Variants in LAMA4 observed in about 807,000 individuals in gnomAD.
LAMA4 encodes the protein laminin subunit alpha-4.
LAMA4 carries 127 observed loss-of-function variants against 207.1 expected under a neutral mutation model. That is an observed-to-expected ratio of 0.61 (90% CI 0.53 to 0.71). The LOEUF is 0.71. Among genes scored for constraint, LAMA4 ranks in the 30% least tolerant of loss-of-function variants. The pLI, the probability that LAMA4 is intolerant of heterozygous loss-of-function variation, is 0.00. For synonymous variants in LAMA4, 761 were observed against 816.0 expected, an observed-to-expected ratio of 0.93 and a Z score of 1.15; for missense variants, 2,093 against 2,246.5, an observed-to-expected ratio of 0.93 and a Z score of 1.38.
In LAMA4 at chr6:112,172,618, T is replaced by TC. The variant is rs1781784091; in HGVS notation, c.1543dup (p.Asp515GlyfsTer3). Reference sequence around the variant, plus strand: ...GGTGAGTGTCCGCTGTACCTCATGGTCCCGCTGCCTGGCTGCTGTGGCCCT... The same window carrying TC: ...GGTGAGTGTCCGCTGTACCTCATGGTCCCCGCTGCCTGGCTGCTGTGGCCCT... On this transcript the variant is annotated frameshift_variant, in exon 12 of 39. Transcript: ENST00000230538. LOFTEE classifies it high-confidence loss of function. The TC allele has an allele frequency of 6.2e-7, 1 of 1,612,648 alleles. No homozygotes were observed. The highest frequency in any genetic ancestry group is 8.5e-7 in the Non-Finnish European group (1 of 1,180,004).
intron 2 of LAMA4, among the ~76,000 whole-genome samples, chr6:112,240,163 AAAC>A (rs1335398438): frequency 6.6e-6 from 1 of 152,238 alleles, no homozygotes; most frequent in African/African-American, 2.4e-5. Context: ...AACTGTTTCT[AAAC>A]CTTCGTTAGT....
At chr6:112,250,633 G>A (rs529716477) in intron 2 of LAMA4, among the ~76,000 whole-genome samples, 6 of 152,084 alleles carry the variant, frequency 3.9e-5, no homozygotes, top group African/African-American at 7.2e-5. Context: ...TAATAGCACC[G>A]TCACCTCCTC....
At chr6:112,245,776 T>A (rs782272907) in intron 2 of LAMA4, among the ~76,000 whole-genome samples, 1 of 152,134 alleles carries the variant, frequency 6.6e-6, no homozygotes, top group Non-Finnish European at 1.5e-5. Flanking sequence ...TAAACACGGA[T>A]CTCTAGCCTC....
chr6:112,229,180 T>G (rs1194776881), intron 2 of LAMA4, among the ~76,000 whole-genome samples: 4 of 152,224 alleles, frequency 2.6e-5, no homozygotes, highest in African/African-American at 7.2e-5. Flanking sequence ...GAAATCCCTG[T>G]GGCTCATAGA....
Position 112,185,283 on chromosome 6 carries a change from T to G in LAMA4, c.1031A>C (p.Asn344Thr). The change falls in exon 9 of 39, where the codon AAC becomes ACC. Residue 344 changes from asparagine (N) to threonine (T), a missense_variant. Physicochemically the swap from Asn to Thr is moderately conservative, Grantham distance 65 (BLOSUM62 0). This residue lies in a region of LAMA4 where 1,704 missense variants were observed against 1,788.4 expected (regional missense o/e 0.95). Coordinates refer to ENST00000230538, the MANE Select transcript of LAMA4 (RefSeq NM_001105206.3). ...GTCAGACAGAAGGCTTTTCATCGTG[T>G]TCTCAGCATTGTTGATTTGTATCTT... ...LRKIQINNAE[N>T]TMKSLLSDVE... 1.2e-6 allele frequency: 2 copies of G among 1,613,714 alleles called. No individual in the cohort carries two copies. The highest frequency in any genetic ancestry group is 1.7e-6 in the Non-Finnish European group (2 of 1,179,582).
Position 112,216,766 on chromosome 6 carries a change from G to A in LAMA4, c.196-297C>T, listed in dbSNP as rs7763270. On this transcript the variant is annotated intron_variant, in intron 2 of 38. Transcript: ENST00000230538. ...GCAAGGAAGAATAAGAAGGTATTAC[G>A]TAACAGTAAGGGAGAAAAAAATGCT... The A allele has an allele frequency of 0.015, 5,947 of 391,026 alleles. 296 individuals are homozygous for A. The highest frequency in any genetic ancestry group is 0.11 in the African/African-American group (5,213 of 48,594). The allele number at this position is 391,026 out of a possible 1,614,324, so 24.2% of individuals were successfully genotyped here. A position where few individuals can be genotyped will look rare whatever the true frequency, so the allele number is the denominator to read the frequency against.
intron 3 of LAMA4, among the ~76,000 whole-genome samples, chr6:112,209,747 T>A (rs2115034116): frequency 6.6e-6 from 1 of 152,346 alleles, no homozygotes; most frequent in South Asian, 2.1e-4. Flanking sequence ...CTGTTTTACC[T>A]TCAGTGCTCT....
rs1480652474 is a variant in LAMA4 at position 112,154,891 on chromosome 6, G to C, written c.2016C>G (p.Leu672=). 6.2e-7 allele frequency: 1 copy of C among 1,613,472 alleles called. No homozygotes were observed. Among genetic ancestry groups the C allele is most frequent in the Non-Finnish European group, 8.5e-7 (1 of 1,179,474 alleles). The part of the protein sequence containing the change: ...IIYHKDESEN[L]LNQARELQAK... The stretch of plus-strand genomic sequence containing the variant: ...CTTGCAGTTCTCTGGCTTGATTGAG[G>C]AGGTTCTCACTTTCATCTTTATGGT... The change falls in exon 16 of 39, where the codon CTC becomes CTG. Residue 672 remains leucine, a synonymous_variant. Transcript: ENST00000230538.
At chr6:112,137,884 A>C (rs1295322067) in intron 24 of LAMA4, among the ~76,000 whole-genome samples, 1 of 152,192 alleles carries the variant, frequency 6.6e-6, no homozygotes, top group Admixed American at 6.5e-5. Context: ...CCTACTAGTT[A>C]TTTCAAAAAA....
rs782364004 is a variant in LAMA4, at chr6:112,185,335, C to T, written c.979G>A (p.Glu327Lys). The change falls in exon 9 of 39, where the codon GAA (glutamate) becomes AAA (lysine). Residue 327 changes from glutamate (E) to lysine (K), a missense_variant. Coordinates refer to ENST00000230538, the MANE Select transcript of LAMA4 (RefSeq NM_001105206.3). Reference protein sequence around the residue: ...TIYLLKTKLSERENQYALRKI... With the variant: ...TIYLLKTKLSKRENQYALRKI... Reference sequence around the variant, plus strand: ...CTTAGGGCGTATTGGTTTTCTCTTTCTGACAATTTTGTCTGCAGAAGAATG... The same window carrying T: ...CTTAGGGCGTATTGGTTTTCTCTTTTTGACAATTTTGTCTGCAGAAGAATG... The T allele has an allele frequency of 6.2e-6, 10 of 1,606,960 alleles. No individual in the cohort carries two copies. Among genetic ancestry groups the T allele is most frequent in the South Asian group, 4.4e-5 (4 of 90,898 alleles).
At chr6:112,253,680 G>A (rs532324223) in intron 2 of LAMA4, 6 of 1,503,578 alleles carry the variant, frequency 4.0e-6, no homozygotes, top group South Asian at 2.3e-5. Context: ...TGCAGTCCCC[G>A]GTGAGAGTCT....
chr6:112,189,129 G>A lies in LAMA4; in HGVS notation c.795C>T (p.Gly265=), dbSNP rs1484189768. 3 of 1,613,220 alleles carry A rather than the reference G, an allele frequency of 1.9e-6. No homozygotes were observed. Among genetic ancestry groups the A allele is most frequent in the Non-Finnish European group, 2.5e-6 (3 of 1,179,330 alleles). The change falls in exon 7 of 39, where the codon GGC becomes GGT. Residue 265 remains glycine, a synonymous_variant. Coordinates refer to ENST00000230538, the MANE Select transcript of LAMA4 (RefSeq NM_001105206.3). ...TTTTACTTATGGTTGGGCAGTCCAT[G>A]CCTGTAGGGGGTTCAAAACCTTCTT... ...CLEEGFEPPT[G]MDCPTISCDK... is the part of the protein sequence containing the mutation.
chr6:112,143,200 G>T (rs569247629), intron 19 of LAMA4, among the ~76,000 whole-genome samples: 1 of 151,914 alleles, frequency 6.6e-6, no homozygotes, highest in East Asian at 1.9e-4. Context: ...TTTGGCTAAT[G>T]TGGGTGGTCA....
intron 37 of LAMA4, 125 bp from the exon 38 acceptor site, chr6:112,114,320 T>C (rs890255814): frequency 1.1e-4 from 103 of 951,768 alleles, no homozygotes; most frequent in Admixed American, 2.8e-4. Context: ...CTTTCTTCTA[T>C]ATTATTAAAA....
At chr6:112,181,604 T>A (rs1344569315) in intron 9 of LAMA4, among the ~76,000 whole-genome samples, 1 of 152,216 alleles carries the variant, frequency 6.6e-6, no homozygotes, top group African/African-American at 2.4e-5. Flanking sequence ...AATACTCACC[T>A]TCTCTGAGAA....
intron 2 of LAMA4, among the ~76,000 whole-genome samples, chr6:112,249,210 C>T (rs888526955): frequency 3.3e-5 from 5 of 151,928 alleles, no homozygotes; most frequent in Admixed American, 2.0e-4. Flanking sequence ...TTTGGGAGGC[C>T]GAGGCGGGTG....
intron 28 of LAMA4, among the ~76,000 whole-genome samples, chr6:112,131,397 A>G (rs1178134047): frequency 6.6e-6 from 1 of 152,092 alleles, no homozygotes; most frequent in African/African-American, 2.4e-5. Context: ...TCCTACTTTC[A>G]ATCTCACTTT....
At chr6:112,241,008 T>C (rs1265616730) in intron 2 of LAMA4, among the ~76,000 whole-genome samples, 1 of 150,050 alleles carries the variant, frequency 6.7e-6, no homozygotes, top group African/African-American at 2.4e-5. Context: ...TCTTTCCATA[T>C]CCTTTTCAAG....
rs369164042 is a variant in LAMA4 at position 112,120,255 on chromosome 6, G to A, written c.4665+28C>T. On this transcript the variant is annotated intron_variant, in intron 33 of 38. Transcript: ENST00000230538. ...ATTTGACAATGGTAGCTATTTGCTG[G>A]TAATGCTGTTCTCTGCCTTCAACTT... 4.4e-6 allele frequency: 7 copies of A among 1,585,020 alleles called. No homozygotes were observed. In the African/African-American group the frequency reaches 6.7e-5, roughly 15 times the overall value.
Sources: gnomAD v4.1 joint callset for allele counts (sites outside exome capture counted in the v4.1 genomes callset) on GRCh38, gnomAD v4.1.1 for gene constraint, gnomAD v4.1.1 regional missense constraint, MANE v1.5 for transcripts, NCBI Gene and HGNC (gene_info 2026-07-23, HGNC 2026-07-21) for gene names.